The following DIDO1 variants were observed in gnomAD, a reference collection of about 807,000 sequenced individuals.
DIDO1 encodes the protein death inducer-obliterator 1, also known as death-inducer obliterator 1.
Under a neutral mutation model 99.4 loss-of-function variants are expected in DIDO1, and 16 were observed. That is an observed-to-expected ratio of 0.16 (90% CI 0.11 to 0.24). DIDO1 has a LOEUF of 0.24. Ranked by LOEUF, DIDO1 falls within the 10% of genes least tolerant of loss-of-function variation. The pLI, the probability that DIDO1 is intolerant of heterozygous loss-of-function variation, is 1.00. For synonymous variants in DIDO1, 1,366 were observed against 1,239.1 expected (o/e 1.10, Z -2.15); for missense variants, 2,996 against 3,014.0 (o/e 0.99, Z 0.14).
At position 62,880,510 on chromosome 20, in the gene DIDO1, C is replaced by T. The variant is rs866654680; in HGVS notation, c.5446G>A (p.Gly1816Arg). ...CTGCTGTCCCCATAAGGAGGTGGCC[C>T]ATGTTGCCCCGAGAATAAGGAAGGG... ...PIPSLFSGQH[G>R]PPPYGDSRGP... Residue 1816 changes from glycine to arginine, a missense_variant, in exon 16 of 16, where the codon GGG (glycine) becomes AGG (arginine). By Grantham distance (125) the Gly-to-Arg change is moderately radical. Coordinates refer to ENST00000395343, the MANE Select transcript of DIDO1 (RefSeq NM_001193369.2). The T allele has an allele frequency of 1.2e-6, 2 of 1,612,868 alleles. No individual in the cohort carries two copies. The highest frequency in any genetic ancestry group is 1.3e-5 in the African/African-American group (1 of 74,944).
intron 1 of DIDO1, among the ~76,000 whole-genome samples, chr20:62,917,775 C>T (rs543535040): frequency 1.8e-4 from 28 of 152,358 alleles, no homozygotes; most frequent in African/African-American, 6.0e-4. Flanking sequence ...TCTAAACATT[C>T]GGTGCCCATG....
Position 62,911,537 on chromosome 20 carries a change from T to C in DIDO1, c.76A>G (p.Thr26Ala). 6.2e-7 allele frequency: 1 copy of C among 1,612,518 alleles called. No individual in the cohort carries two copies. Among genetic ancestry groups the C allele is most frequent in the Non-Finnish European group, 8.5e-7 (1 of 1,179,274 alleles). Residue 26 changes from threonine to alanine, a missense_variant, in exon 3 of 16, where the codon ACA (threonine) becomes GCA (alanine). Physicochemically the swap from Thr to Ala is moderately conservative, Grantham distance 58. Around this residue, in one of 5 missense-constraint regions of DIDO1, gnomAD observed 388 missense variants for 376.6 expected, o/e 1.03. Transcript: ENST00000395343. This position sits in a 1 kb window ranked among gnomAD's most constrained non-coding sequence, Gnocchi z 7.0. ...ATAGTGGTCCTTCGAAAACCCCATGTTTTCCTGAACTCTTTGCTGGTGGGT... is the reference window on the plus strand; with the variant it reads ...ATAGTGGTCCTTCGAAAACCCCATGCTTTCCTGAACTCTTTGCTGGTGGGT... The part of the protein sequence containing the change: ...IKPTSKEFRK[T>A]WGFRRTTIAK...
chr20:62,923,579 C>T (rs1250153934), intron 1 of DIDO1, among the ~76,000 whole-genome samples: 1 of 152,208 alleles, frequency 6.6e-6, no homozygotes. Context: ...GTGGCCACAG[C>T]CTCCAACGCA....
chr20:62,898,198 A>C (rs2064580669), intron 6 of DIDO1, among the ~76,000 whole-genome samples: 1 of 152,238 alleles, frequency 6.6e-6, no homozygotes, highest in South Asian at 2.1e-4. Flanking sequence ...TAAGTCTGAA[A>C]GCTCAGGAAA....
rs372016333 is a variant in DIDO1, at chr20:62,881,772, C to T, written c.4184G>A (p.Arg1395Lys). ...CTCCACAAGCTGAGTGTCGAAGGCC[C>T]TCTCCGGGTCGTACTCCTCCTCAGG... ...YDPEEEYDPE[R>K]AFDTQLVERG... Residue 1395 changes from arginine (R) to lysine (K), a missense_variant, in exon 16 of 16, where the codon AGG (arginine) becomes AAG (lysine). This residue lies in a region of DIDO1 where 1,562 missense variants were observed against 1,412.6 expected (regional missense o/e 1.11). Coordinates refer to ENST00000395343, the MANE Select transcript of DIDO1 (RefSeq NM_001193369.2). The surrounding 1 kb of genome is among the most constrained non-coding windows in gnomAD (Gnocchi z 8.3). 1.2e-5 allele frequency: 20 copies of T among 1,613,240 alleles called. No individual in the cohort carries two copies. The highest frequency in any genetic ancestry group is 1.6e-5 in the Non-Finnish European group (19 of 1,180,032).
At chr20:62,888,616 T>C (rs753021115) in intron 15 of DIDO1, 4 of 985,514 alleles carry the variant, frequency 4.1e-6, no homozygotes, top group Non-Finnish European at 4.8e-6. Flanking sequence ...GAGGACAGGG[T>C]CCGCTGAGAC....
intron 4 of DIDO1, 79 bp from the exon 5 acceptor site, chr20:62,907,438 A>G (rs2064832577): frequency 1.5e-6 from 2 of 1,367,758 alleles, no homozygotes; most frequent in Admixed American, 3.7e-5. Flanking sequence ...TAAAATCACC[A>G]TTTATAGTAC....
At chr20:62,890,921 C>T (rs374493563) in intron 15 of DIDO1, 39 bp downstream of exon 15, 738 of 1,612,284 alleles carry the variant, frequency 4.6e-4, no homozygotes, top group South Asian at 6.2e-4. Flanking sequence ...GGTGCAGGTG[C>T]AGGTGGGCCT....
intron 1 of DIDO1, chr20:62,937,765 C>T: frequency 2.5e-6 from 1 of 398,280 alleles, no homozygotes; most frequent in Non-Finnish European, 4.4e-6. Flanking sequence ...CCCGTGCGGC[C>T]TCACGCAAAC....
In DIDO1 at chr20:62,881,635, C is replaced by T. The variant is rs769338313; in HGVS notation, c.4321G>A (p.Val1441Ile). 1.2e-6 allele frequency: 2 copies of T among 1,612,712 alleles called. No homozygotes were observed. The highest frequency in any genetic ancestry group is 2.2e-5 in the South Asian group (2 of 91,084). ...ETILEEAKVTVDDLPNRMCAD... is the reference protein window; with the variant it reads ...ETILEEAKVTIDDLPNRMCAD... ...CACATCCTGTTGGGCAGGTCATCAACAGTCACTTTCGCTTCTTCTAAGATG... is the reference window on the plus strand; with the variant it reads ...CACATCCTGTTGGGCAGGTCATCAATAGTCACTTTCGCTTCTTCTAAGATG... Residue 1441 changes from valine to isoleucine, a missense_variant, in exon 16 of 16, where the codon GTT becomes ATT. Coordinates refer to ENST00000395343, the MANE Select transcript of DIDO1 (RefSeq NM_001193369.2). This position sits in a 1 kb window ranked among gnomAD's most constrained non-coding sequence, Gnocchi z 8.3.
rs2064157100 is a variant in DIDO1 at position 62,879,414 on chromosome 20, C to T, written c.6542G>A (p.Arg2181His). The change falls in exon 16 of 16, where the codon CGC becomes CAC. Residue 2181 changes from arginine (R) to histidine (H), a missense_variant. By Grantham distance (29) the Arg-to-His change is conservative. Around this residue, in one of 5 missense-constraint regions of DIDO1, gnomAD observed 1,562 missense variants for 1,412.6 expected, o/e 1.11. Coordinates refer to ENST00000395343, the MANE Select transcript of DIDO1 (RefSeq NM_001193369.2). The surrounding 1 kb of genome is among the most constrained non-coding windows in gnomAD (Gnocchi z 6.3). ...RSRERSRNRE[R>H]ERDRRRDRDR... ...CCGGTCGCGCCTCCGGTCTCGCTCG[C>T]GCTCTCGGTTCCTGCTCCGCTCCCG... The T allele has an allele frequency of 2.6e-6, 4 of 1,544,260 alleles. No homozygotes were observed. Among genetic ancestry groups the T allele is most frequent in the Non-Finnish European group, 3.5e-6 (4 of 1,148,934 alleles).
chr20:62,887,002 G>C (rs953023765), intron 15 of DIDO1, among the ~76,000 whole-genome samples: 1 of 152,188 alleles, frequency 6.6e-6, no homozygotes, highest in African/African-American at 2.4e-5. Flanking sequence ...GGTAAGAGGA[G>C]AGCGACGTCC....
rs1474121569 is a variant in DIDO1 at position 62,894,391 on chromosome 20, C to G, written c.2572+22G>C. Reference sequence around the variant, plus strand: ...CAAGTTTAGTCTCAGCTCCAAGGCTCCATCCCCTGCACTGTGCTCACCTGT... The same window carrying G: ...CAAGTTTAGTCTCAGCTCCAAGGCTGCATCCCCTGCACTGTGCTCACCTGT... On this transcript the variant is annotated intron_variant, in intron 11 of 15. Coordinates refer to ENST00000395343, the MANE Select transcript of DIDO1 (RefSeq NM_001193369.2). This position sits in a 1 kb window ranked among gnomAD's most constrained non-coding sequence, Gnocchi z 4.4. 1.2e-6 allele frequency: 2 copies of G among 1,606,850 alleles called. No individual in the cohort carries two copies. The highest frequency in any genetic ancestry group is 1.1e-5 in the South Asian group (1 of 90,904).
At position 62,882,088 on chromosome 20, in the gene DIDO1, C is replaced by G; in HGVS notation, c.3868G>C (p.Ala1290Pro). The change falls in exon 16 of 16, where the codon GCC becomes CCC. Residue 1290 changes from alanine to proline, a missense_variant. Ala to Pro is a conservative substitution (Grantham distance 27, BLOSUM62 -1). Around this residue, in one of 5 missense-constraint regions of DIDO1, gnomAD observed 1,562 missense variants for 1,412.6 expected, o/e 1.11. Coordinates refer to ENST00000395343, the MANE Select transcript of DIDO1 (RefSeq NM_001193369.2). ...KPAAPSPATAATTAAAASTAA... is the reference protein window; with the variant it reads ...KPAAPSPATAPTTAAAASTAA... ...GTGGAGGCTGCCGCTGCTGTTGTGG[C>G]TGCTGTGGCTGGGCTGGGGGCTGCA... 6.2e-7 allele frequency: 1 copy of G among 1,611,902 alleles called. No individual in the cohort carries two copies. The highest frequency in any genetic ancestry group is 8.5e-7 in the Non-Finnish European group (1 of 1,178,818).
At chr20:62,898,430 G>A (rs2147428812) in intron 6 of DIDO1, among the ~76,000 whole-genome samples, 1 of 152,290 alleles carries the variant, frequency 6.6e-6, no homozygotes, top group Non-Finnish European at 1.5e-5. Context: ...AGTACTACAT[G>A]GATCCAAAAA....
intron 15 of DIDO1, chr20:62,889,027 G>A (rs1434810926): frequency 1.0e-6 from 1 of 985,388 alleles, no homozygotes; most frequent in African/African-American, 1.7e-5. Flanking sequence ...TGGGGCTTTT[G>A]TGTGTCCCCG....
intron 1 of DIDO1, among the ~76,000 whole-genome samples, chr20:62,931,575 G>A (rs1020000749): frequency 3.3e-5 from 5 of 152,132 alleles, no homozygotes; most frequent in Admixed American, 3.3e-4. Context: ...TTCACACCAC[G>A]GAATAGAGAC....
At chr20:62,934,427 C>T (rs1474401684) in intron 1 of DIDO1, among the ~76,000 whole-genome samples, 2 of 152,192 alleles carry the variant, frequency 1.3e-5, no homozygotes, top group Non-Finnish European at 2.9e-5. Flanking sequence ...GACTTCTGAC[C>T]TCCCTACTAC....
At position 62,911,421 on chromosome 20, in the gene DIDO1, A is replaced by G. The variant is rs1338086667; in HGVS notation, c.192T>C (p.Ser64=). ...GCTCAGTGCGCTTGGGCTGCCTCCCACTGCGCCGCAGGGACAGGCCCAGCT... is the reference window on the plus strand; with the variant it reads ...GCTCAGTGCGCTTGGGCTGCCTCCCGCTGCGCCGCAGGGACAGGCCCAGCT... ...QQQLGLSLRR[S]GRQPKRTERV... The change falls in exon 3 of 16, where the codon AGT becomes AGC. Residue 64 remains serine (S), a synonymous_variant. Transcript: ENST00000395343. This position sits in a 1 kb window ranked among gnomAD's most constrained non-coding sequence, Gnocchi z 7.0. 5 of 1,611,194 alleles carry G rather than the reference A, an allele frequency of 3.1e-6. No homozygotes were observed. Among genetic ancestry groups the G allele is most frequent in the East Asian group, 2.2e-5 (1 of 44,802 alleles).
Sources: allele counts gnomAD v4.1 joint callset (sites outside exome capture counted in the v4.1 genomes callset), GRCh38; gene constraint gnomAD v4.1.1; regional missense constraint gnomAD v4.1.1; non-coding constraint Gnocchi (gnomAD v3.1); transcripts MANE v1.5; gene names NCBI Gene and HGNC (gene_info 2026-07-23, HGNC 2026-07-21).